The following MICALL2 variants were observed in gnomAD, a reference collection of about 807,000 sequenced individuals.
The protein encoded by MICALL2 is MICAL like 2.
In MICALL2, 111 loss-of-function variants were observed where a neutral mutation model predicts 91.1. The observed-to-expected ratio is 1.22, with a 90% CI of 1.04 to 1.43. The LOEUF is 1.43. MICALL2 is among the 40% of genes most tolerant of loss of function. The pLI, the probability that MICALL2 is intolerant of heterozygous loss-of-function variation, is 0.00. For missense variants in MICALL2, 1,556 were observed against 1,236.0 expected (o/e 1.26, Z -3.88); for synonymous variants, 694 against 525.3 (o/e 1.32, Z -4.39).
intron 1 of MICALL2, among the ~76,000 whole-genome samples, chr7:1,456,881 G>A (rs1448787248): frequency 6.6e-6 from 1 of 152,168 alleles, no homozygotes; most frequent in African/African-American, 2.4e-5. Flanking sequence ...GGTCTACAGA[G>A]GCCCCCACGC....
intron 16 of MICALL2, 76 bp from the exon 17 acceptor site, chr7:1,434,748 C>T (rs978001912): frequency 1.4e-6 from 2 of 1,396,320 alleles, no homozygotes; most frequent in Admixed American, 2.3e-5. Context: ...GTCCCCCTGC[C>T]AGAAACATCC....
At chr7:1,446,966 C>T (rs979752571) in intron 4 of MICALL2, 138 bp from the exon 5 acceptor site, 25 of 640,590 alleles carry the variant, frequency 3.9e-5, no homozygotes, top group African/African-American at 3.1e-4. Context: ...GGGCTGCGGT[C>T]GGGGTCACAC....
Position 1,445,303 on chromosome 7 carries a change from A to C in MICALL2, c.767T>G (p.Val256Gly). ...ACCCATGGCCCCTGGCTGTCGGGGG[A>C]CCAGACCCGTCAACTTGGGGCTTGC... is the stretch of plus-strand genomic sequence containing the variant. ...ASASPKLTGL[V>G]PRQPGAMGVD... Residue 256 changes from valine to glycine, a missense_variant, in exon 6 of 17, where the codon GTC (valine) becomes GGC (glycine). Val to Gly is a moderately radical substitution (Grantham distance 109). Coordinates refer to ENST00000297508, the MANE Select transcript of MICALL2 (RefSeq NM_182924.4). 6.2e-7 allele frequency: 1 copy of C among 1,611,802 alleles called. No individual in the cohort carries two copies. Among genetic ancestry groups the C allele is most frequent in the Non-Finnish European group, 8.5e-7 (1 of 1,179,748 alleles).
At chr7:1,442,116 A>G (rs1417105874) in intron 7 of MICALL2, 76 bp downstream of exon 7, 4 of 1,505,478 alleles carry the variant, frequency 2.7e-6, no homozygotes, top group East Asian at 2.3e-5. Context: ...AACCGCACAC[A>G]CTGCAGAGTG....
At position 1,448,676 on chromosome 7, in the gene MICALL2, A is replaced by G. The variant is rs1274998440; in HGVS notation, c.278T>C (p.Leu93Pro). ...CTGGGACACGTAGGTCAAGATGCTC[A>G]GCCGGTCAGGCACCTTCAAGGCCAC... is the stretch of plus-strand genomic sequence containing the variant. ...DMVALKVPDR[L>P]SILTYVSQYY... The change falls in exon 3 of 17, where the codon CTG (leucine) becomes CCG (proline). Residue 93 changes from leucine (L) to proline (P), a missense_variant. Transcript: ENST00000297508. 1 of 1,612,678 alleles carries G rather than the reference A, an allele frequency of 6.2e-7. No individual in the cohort carries two copies. Among genetic ancestry groups the G allele is most frequent in the Non-Finnish European group, 8.5e-7 (1 of 1,179,940 alleles).
rs767344147 is a variant in MICALL2 at position 1,445,011 on chromosome 7, C to A, written c.1059G>T (p.Pro353=). ...GATGGGAGGCAGCCGCTGCTGTGCA[C>A]GGGGCAGCTGACGACCAGCCCATCG... is the stretch of plus-strand genomic sequence containing the variant. ...SSPMGWSSAA[P]CTAAAASHPA... Residue 353 remains proline (P), a synonymous_variant, in exon 6 of 17, where the codon CCG becomes CCT. Transcript: ENST00000297508. 1.4e-5 allele frequency: 22 copies of A among 1,519,552 alleles called. No homozygotes were observed. Among genetic ancestry groups the A allele is most frequent in the African/African-American group, 4.1e-5 (3 of 72,612 alleles). The allele number at this position is 1,519,552 out of a possible 1,614,324, so 94.1% of individuals were successfully genotyped here.
At chr7:1,446,537 GGGGAGGAGGC>G in intron 5 of MICALL2, 166 bp downstream of exon 5, 2 of 562,950 alleles carry the variant, frequency 3.6e-6, no homozygotes, top group Non-Finnish European at 6.4e-6. Flanking sequence ...GGGGAGGAGA[GGGGAGGAGGC>G]GGGAGGAGGG....
In MICALL2 at chr7:1,447,773, A is replaced by T. The variant is rs1389116035; in HGVS notation, c.335-8T>A. ...CGCCTGCCATGCCCCCAACTGGAGGAATCAAGCAGGGATCGGGAGGGTCCC... is the reference window on the plus strand; with the variant it reads ...CGCCTGCCATGCCCCCAACTGGAGGTATCAAGCAGGGATCGGGAGGGTCCC... On this transcript the variant is annotated splice_polypyrimidine_tract_variant and splice_region_variant and intron_variant, in intron 3 of 16. Coordinates refer to ENST00000297508, the MANE Select transcript of MICALL2 (RefSeq NM_182924.4). 9.9e-6 allele frequency: 15 copies of T among 1,518,338 alleles called. No homozygotes were observed. In the South Asian group the frequency reaches 1.7e-4, roughly 17 times the overall value. 94.1% of individuals were successfully genotyped at this position (1,518,338 alleles called of 1,614,324 possible). A position where few individuals can be genotyped will look rare whatever the true frequency, so the allele number is the denominator to read the frequency against.
intron 8 of MICALL2, 158 bp downstream of exon 8, chr7:1,440,433 C>T: frequency 1.4e-6 from 1 of 699,532 alleles, no homozygotes; most frequent in Non-Finnish European, 2.5e-6. Context: ...GGACAGCGGC[C>T]CCCATGTCCC....
At chr7:1,449,268 G>A (rs1386250553) in intron 2 of MICALL2, among the ~76,000 whole-genome samples, 1 of 152,238 alleles carries the variant, frequency 6.6e-6, no homozygotes, top group Non-Finnish European at 1.5e-5. Context: ...AGCATGGGAA[G>A]TGTGGCCGGC....
Position 1,436,789 on chromosome 7 carries a change from C to T in MICALL2, c.2544G>A (p.Val848=), listed in dbSNP as rs1269821298. 1.9e-6 allele frequency: 3 copies of T among 1,609,030 alleles called. No homozygotes were observed. Among genetic ancestry groups the T allele is most frequent in the Admixed American group, 1.7e-5 (1 of 59,776 alleles). The change falls in exon 15 of 17, where the codon GTG becomes GTA. Residue 848 remains valine (V), a synonymous_variant. Transcript: ENST00000297508. ...AGTCCACGATGTCACTGCGGTCGTT[C>T]ACGGTGCTCACGTACTGCTCCAGCA... ...QELLEQYVST[V]NDRSDIVDSL... is the part of the protein sequence containing the mutation.
Position 1,444,679 on chromosome 7 carries a change from T to A in MICALL2, c.1391A>T (p.Glu464Val), listed in dbSNP as rs780391312. Reference protein sequence around the residue: ...NFLKQALSALEEAGAPAPGRP... With the variant: ...NFLKQALSALVEAGAPAPGRP... ...GCCAGGCGCCGGAGCGCCAGCCTCTTCCAGCGCTGAGAGGGCCTGCTTGAG... is the reference window on the plus strand; with the variant it reads ...GCCAGGCGCCGGAGCGCCAGCCTCTACCAGCGCTGAGAGGGCCTGCTTGAG... The change falls in exon 6 of 17, where the codon GAA (glutamate) becomes GTA (valine). Residue 464 changes from glutamate (E) to valine (V), a missense_variant. Coordinates refer to ENST00000297508, the MANE Select transcript of MICALL2 (RefSeq NM_182924.4). The A allele has an allele frequency of 6.2e-7, 1 of 1,611,774 alleles. No homozygotes were observed. Among genetic ancestry groups the A allele is most frequent in the Non-Finnish European group, 8.5e-7 (1 of 1,179,798 alleles).
chr7:1,444,972 CG>C lies in MICALL2; in HGVS notation c.1097del (p.Pro366ArgfsTer131). The stretch of plus-strand genomic sequence containing the variant: ...TGGCCGGGCGAGGGTCTGGGGCACT[CG>C]GGGGCACGGCGGGATGGGAGGCAGC... ...AAAASHPAVPPSAPDPRPATP... is the reference protein window; with the variant it reads ...AAAASHPAVPXSAPDPRPATP... On this transcript the variant is annotated frameshift_variant, in exon 6 of 17. Transcript: ENST00000297508. LOFTEE classifies it high-confidence loss of function. 2.0e-6 allele frequency: 3 copies of C among 1,506,310 alleles called. No individual in the cohort carries two copies. The allele number at this position is 1,506,310 out of a possible 1,614,324, so 93.3% of individuals were successfully genotyped here.
chr7:1,439,609 C>CA (rs1184378313), intron 9 of MICALL2: 2 of 302,972 alleles, frequency 6.6e-6, no homozygotes, highest in Admixed American at 1.0e-4. Context: ...ATGCATCACA[C>CA]ATCACATACA....
intron 3 of MICALL2, 106 bp downstream of exon 3, chr7:1,448,514 G>GC: frequency 2.3e-6 from 2 of 857,560 alleles, no homozygotes; most frequent in Non-Finnish European, 3.5e-6. Context: ...GGCCATTCTT[G>GC]GGGGGGGGGC....
chr7:1,439,202 G>A (rs1480690822), intron 9 of MICALL2: 2 of 546,188 alleles, frequency 3.7e-6, no homozygotes, highest in East Asian at 3.0e-5. Flanking sequence ...AACCCACGGG[G>A]CTGCTGGCTG....
chr7:1,434,993 C>CCA, intron 16 of MICALL2, 108 bp downstream of exon 16: 2 of 465,598 alleles, frequency 4.3e-6, no homozygotes, highest in Non-Finnish European at 7.4e-6. Context: ...CCGCCCCCCC[C>CCA]CCACCCCCAG....
rs1166894557 is a variant in MICALL2 at position 1,452,996 on chromosome 7, C to T, written c.144-2708G>A. Among the ~76,000 whole-genome samples the T allele has an allele frequency of 6.6e-6, 1 of 151,942 alleles. No individual in the cohort carries two copies. Among genetic ancestry groups the T allele is most frequent in the Non-Finnish European group, 1.5e-5 (1 of 67,984 alleles). Reference sequence around the variant, plus strand: ...GCCCGATGCACCCGCCAGGCCCTCCCCAGATGCACCTTGCTGTCCCCGAGC... The same window carrying T: ...GCCCGATGCACCCGCCAGGCCCTCCTCAGATGCACCTTGCTGTCCCCGAGC... On this transcript the variant is annotated intron_variant, in intron 1 of 16. Transcript: ENST00000297508. This position sits in a 1 kb window ranked among gnomAD's most constrained non-coding sequence, Gnocchi z 6.2.
chr7:1,445,502 T>G lies in MICALL2; in HGVS notation c.642-74A>C, dbSNP rs376425950. 3.4e-4 allele frequency: 450 copies of G among 1,332,854 alleles called. 2 individuals carry two copies. The highest frequency in any genetic ancestry group is 6.7e-4 in the South Asian group (44 of 65,570). The allele number at this position is 1,332,854 out of a possible 1,614,324, so 82.6% of individuals were successfully genotyped here. On this transcript the variant is annotated intron_variant, in intron 5 of 16. Coordinates refer to ENST00000297508, the MANE Select transcript of MICALL2 (RefSeq NM_182924.4). ...CCACGCATTCACCACGTGCTCCTGATAGCAGGCATTGCGGACTCCTGTGTC... is the reference window on the plus strand; with the variant it reads ...CCACGCATTCACCACGTGCTCCTGAGAGCAGGCATTGCGGACTCCTGTGTC...
Sources: gnomAD v4.1 joint callset for allele counts (sites outside exome capture counted in the v4.1 genomes callset) on GRCh38, gnomAD v4.1.1 for gene constraint, Gnocchi (gnomAD v3.1) non-coding constraint, MANE v1.5 for transcripts, NCBI Gene and HGNC (gene_info 2026-07-23, HGNC 2026-07-21) for gene names.